FREM3: variants seen among roughly 807,000 people sequenced by gnomAD.
The protein encoded by FREM3 is FRAS1 related extracellular matrix 3, also known as FRAS1-related extracellular matrix protein 3.
A neutral mutation model predicts 129.1 loss-of-function variants in FREM3; 105 were observed. That is an observed-to-expected ratio of 0.81 (90% confidence interval 0.69 to 0.96). FREM3 has a LOEUF of 0.96. Ranked by LOEUF, FREM3 falls within the 40% of genes least tolerant of loss-of-function variation. FREM3 has a pLI of 0.00. For synonymous variants in FREM3, 1,014 were observed against 1,044.9 expected (o/e 0.97, Z 0.57); for missense variants, 2,593 against 2,666.3 (o/e 0.97, Z 0.61).
intron 2 of FREM3, among the ~76,000 whole-genome samples, chr4:143,686,789 A>G (rs6858304): frequency 0.073 from 11,063 of 152,170 alleles, 1,073 homozygotes; most frequent in African/African-American, 0.21. Context: ...CGACAATAAT[A>G]ACACGACCTA....
chr4:143,662,998 C>T (rs1263868454), intron 2 of FREM3, among the ~76,000 whole-genome samples: 2 of 152,028 alleles, frequency 1.3e-5, no homozygotes, highest in African/African-American at 4.8e-5. Context: ...AGATGGGTTT[C>T]CTGAATACAG....
intron 6 of FREM3, among the ~76,000 whole-genome samples, chr4:143,603,167 CTG>C (rs1307682437): frequency 6.6e-6 from 1 of 152,146 alleles, no homozygotes; most frequent in Non-Finnish European, 1.5e-5. Context: ...CATCCTGTCT[CTG>C]TGCCCACAGA....
chr4:143,660,988 A>T (rs1227247757), intron 2 of FREM3, among the ~76,000 whole-genome samples: 4 of 152,174 alleles, frequency 2.6e-5, no homozygotes, highest in Non-Finnish European at 5.9e-5. Flanking sequence ...TTTTGGGTTG[A>T]GACAATGGGG....
intron 2 of FREM3, among the ~76,000 whole-genome samples, chr4:143,678,233 C>G (rs139401919): frequency 7.6e-4 from 116 of 152,244 alleles, no homozygotes; most frequent in Middle Eastern, 3.4e-3. Context: ...AGTTCGTGTC[C>G]TTTGTAGAGA....
Position 143,611,404 on chromosome 4 carries a change from A to ATC in FREM3, c.5901_5902dup (p.Ile1968ArgfsTer35). The ATC allele has an allele frequency of 3.3e-6, 5 of 1,537,202 alleles. No individual in the cohort carries two copies. The highest frequency in any genetic ancestry group is 3.5e-6 in the Non-Finnish European group (4 of 1,146,840). On this transcript the variant is annotated frameshift_variant, in exon 6 of 8. Coordinates refer to ENST00000329798, the MANE Select transcript of FREM3 (RefSeq NM_001168235.2). LOFTEE classifies it high-confidence loss of function. ...CTCTTCATAAAGGGAGTCATCAATGATCAGGACCTGGCAGGTCTTCTGTGT... is the reference window on the plus strand; with the variant it reads ...CTCTTCATAAAGGGAGTCATCAATGATCTCAGGACCTGGCAGGTCTTCTGTGT...
rs548592017 is a variant in FREM3 at position 143,585,877 on chromosome 4, G to T, written c.6145C>A (p.Arg2049Ser). Reference protein sequence around the residue: ...DLSQPSSIAVRSRKSEQESAE... With the variant: ...DLSQPSSIAVSSRKSEQESAE... ...GACTCCTGCTCTGACTTTCTGGAGC[G>T]CACGGCGATGGATGATGGTTGGGAA... Residue 2049 changes from arginine to serine, a missense_variant, in exon 7 of 8, where the codon CGC (arginine) becomes AGC (serine). Arg to Ser is a moderately radical substitution (Grantham distance 110). Coordinates refer to ENST00000329798, the MANE Select transcript of FREM3 (RefSeq NM_001168235.2). This position sits in a 1 kb window ranked among gnomAD's most constrained non-coding sequence, Gnocchi z 4.2. The T allele has an allele frequency of 6.5e-7, 1 of 1,537,204 alleles. No individual in the cohort carries two copies. The highest frequency in any genetic ancestry group is 8.7e-7 in the Non-Finnish European group (1 of 1,146,894).
intron 2 of FREM3, among the ~76,000 whole-genome samples, chr4:143,663,691 G>T (rs1269079569): frequency 6.6e-6 from 1 of 152,104 alleles, no homozygotes; most frequent in Non-Finnish European, 1.5e-5. Context: ...TTCCAACTTG[G>T]TTCCATTCTA....
intron 2 of FREM3, among the ~76,000 whole-genome samples, chr4:143,632,351 A>G (rs551860919): frequency 3.3e-4 from 50 of 152,264 alleles, no homozygotes; most frequent in Admixed American, 6.5e-4. Context: ...AATAGTTTAT[A>G]TAGAGTGGTT....
At chr4:143,647,505 T>A (rs1314549545) in intron 2 of FREM3, among the ~76,000 whole-genome samples, 1 of 152,168 alleles carries the variant, frequency 6.6e-6, no homozygotes, top group African/African-American at 2.4e-5. Context: ...AAAATTGTTT[T>A]GTGGGATGGG....
At chr4:143,581,022 A>G (rs1156549126) in intron 7 of FREM3, among the ~76,000 whole-genome samples, 4 of 152,118 alleles carry the variant, frequency 2.6e-5, no homozygotes, top group Non-Finnish European at 5.9e-5. Context: ...TAGCAGTGCC[A>G]CCATTTTTGC....
At chr4:143,626,372 G>A (rs1739037522) in intron 3 of FREM3, among the ~76,000 whole-genome samples, 1 of 152,184 alleles carries the variant, frequency 6.6e-6, no homozygotes, top group South Asian at 2.1e-4. Context: ...CCATACAGCA[G>A]TGCATGTAGA....
Position 143,696,931 on chromosome 4 carries a change from T to C in FREM3, c.3745A>G (p.Ser1249Gly). The C allele has an allele frequency of 1.2e-5, 19 of 1,537,564 alleles. No homozygotes were observed. The highest frequency in any genetic ancestry group is 1.6e-5 in the Non-Finnish European group (18 of 1,146,992). Residue 1249 changes from serine to glycine, a missense_variant, in exon 1 of 8, where the codon AGC (serine) becomes GGC (glycine). By Grantham distance (56) the Ser-to-Gly change is moderately conservative. Transcript: ENST00000329798. ...AGGGTGAAGCTGTGGATGGGCTGGC[T>C]GCCTGTAGCCAGCTGCTGTATGATT... ...GRIIQQLATG[S>G]QPIHSFTLKE...
In FREM3 at chr4:143,624,232, C is replaced by A; in HGVS notation, c.5529G>T (p.Val1843=). The A allele has an allele frequency of 2.0e-6, 3 of 1,536,086 alleles. No individual in the cohort carries two copies. The highest frequency in any genetic ancestry group is 2.6e-6 in the Non-Finnish European group (3 of 1,145,858). Residue 1843 remains valine, a synonymous_variant, in exon 4 of 8, where the codon GTG becomes GTT. Transcript: ENST00000329798. ...NPGQTTATWR[V]RIIPDNEYET... Reference sequence around the variant, plus strand: ...CATATTCATTGTCAGGTATAATTCTCACCCTCCATGTGGCTGTAGTCTGTC... The same window carrying A: ...CATATTCATTGTCAGGTATAATTCTAACCCTCCATGTGGCTGTAGTCTGTC...
At chr4:143,602,762 A>C (rs1738595022) in intron 6 of FREM3, among the ~76,000 whole-genome samples, 1 of 152,192 alleles carries the variant, frequency 6.6e-6, no homozygotes, top group Admixed American at 6.5e-5. Context: ...CAGCACGGCC[A>C]ACTGTTTTGT....
intron 2 of FREM3, among the ~76,000 whole-genome samples, chr4:143,660,225 T>C (rs1739685307): frequency 6.6e-6 from 1 of 151,548 alleles, no homozygotes; most frequent in African/African-American, 2.4e-5. Context: ...AGGTCTAACA[T>C]TTAAGTCTTT....
chr4:143,606,703 C>G (rs144680566), intron 6 of FREM3, among the ~76,000 whole-genome samples: 1 of 152,108 alleles, frequency 6.6e-6, no homozygotes, highest in East Asian at 1.9e-4. Flanking sequence ...CCACTTAGTA[C>G]ATTTAGCTTC....
At chr4:143,593,622 G>T (rs1263590078) in intron 6 of FREM3, among the ~76,000 whole-genome samples, 1 of 150,350 alleles carries the variant, frequency 6.7e-6, no homozygotes, top group Non-Finnish European at 1.5e-5. Flanking sequence ...GTACCCGGCT[G>T]TGTGAGGTGT....
chr4:143,649,675 A>G (rs1396299946), intron 2 of FREM3, among the ~76,000 whole-genome samples: 2 of 152,108 alleles, frequency 1.3e-5, no homozygotes, highest in African/African-American at 4.8e-5. Context: ...GCTGTATATA[A>G]ATTTTTTTCT....
At chr4:143,691,953 T>G (rs373296685) in intron 2 of FREM3, among the ~76,000 whole-genome samples, 4 of 152,336 alleles carry the variant, frequency 2.6e-5, no homozygotes, top group African/African-American at 9.6e-5. Flanking sequence ...TTATGGTTCT[T>G]GAGAACTTGG....
Sources: gnomAD v4.1 joint callset for allele counts (sites outside exome capture counted in the v4.1 genomes callset) on GRCh38, gnomAD v4.1.1 for gene constraint, Gnocchi (gnomAD v3.1) non-coding constraint, MANE v1.5 for transcripts, NCBI Gene and HGNC (gene_info 2026-07-23, HGNC 2026-07-21) for gene names.